The following FBXL17 variants were observed in gnomAD, a reference collection of about 807,000 sequenced individuals.
FBXL17 encodes the protein F-box and leucine rich repeat protein 17.
A neutral mutation model predicts 66.2 loss-of-function variants in FBXL17; 22 were observed. That is an observed-to-expected ratio of 0.33 (90% CI 0.24 to 0.47). The LOEUF (loss-of-function observed/expected upper bound fraction) is 0.47, where lower values mean the gene tolerates loss of function less well. Ranked by LOEUF, FBXL17 falls within the 20% of genes least tolerant of loss-of-function variation. FBXL17 has a pLI of 1.00. For missense variants in FBXL17, 878 were observed against 948.2 expected (o/e 0.93, Z 0.97); for synonymous variants, 474 against 400.5 (o/e 1.18, Z -2.19).
At chr5:107,981,612 G>T (rs1187674746) in intron 7 of FBXL17, among the ~76,000 whole-genome samples, 1 of 152,230 alleles carries the variant, frequency 6.6e-6, no homozygotes, top group African/African-American at 2.4e-5. Flanking sequence ...ACACTTCTCC[G>T]TTCTGCCCAG....
chr5:108,298,313 A>G, intron 4 of FBXL17: 3 of 984,548 alleles, frequency 3.0e-6, no homozygotes, highest in Non-Finnish European at 3.6e-6. Flanking sequence ...ATCTAAATAA[A>G]ACAGAAAGCA....
Position 108,373,409 on chromosome 5 carries a change from A to C in FBXL17, c.994-5456T>G, listed in dbSNP as rs201481112. On this transcript the variant is annotated intron_variant, in intron 1 of 8. Coordinates refer to ENST00000542267, the MANE Select transcript of FBXL17 (RefSeq NM_001163315.3). ...ATATATTAATATATTTAGATATGTTATATTTATTTATATAATGTGAGAATT... is the reference window on the plus strand; with the variant it reads ...ATATATTAATATATTTAGATATGTTCTATTTATTTATATAATGTGAGAATT... 1.5e-4 allele frequency among the ~76,000 whole-genome samples: 22 copies of C among 146,856 alleles called. No homozygotes were observed. The East Asian group carries it at 3.9e-3, about 26-fold the overall frequency.
At chr5:108,151,112 G>A (rs1490148152) in intron 6 of FBXL17, among the ~76,000 whole-genome samples, 1 of 152,078 alleles carries the variant, frequency 6.6e-6, no homozygotes, top group African/African-American at 2.4e-5. Context: ...GAAGTACTCA[G>A]TATAAAGAGT....
chr5:108,190,883 A>G (rs1753445006), intron 5 of FBXL17, among the ~76,000 whole-genome samples: 1 of 152,192 alleles, frequency 6.6e-6, no homozygotes, highest in Admixed American at 6.5e-5. Flanking sequence ...TGTTGGAAAT[A>G]TACTGTTCTG....
intron 5 of FBXL17, among the ~76,000 whole-genome samples, chr5:108,213,527 G>A (rs1047801243): frequency 6.6e-6 from 1 of 152,108 alleles, no homozygotes; most frequent in African/African-American, 2.4e-5. Flanking sequence ...CATGGCTTCC[G>A]CTGGGTAGGG....
intron 7 of FBXL17, among the ~76,000 whole-genome samples, chr5:107,883,050 G>T (rs1229423305): frequency 1.3e-5 from 2 of 152,188 alleles, no homozygotes; most frequent in African/African-American, 4.8e-5. Context: ...AAGTTAGAAT[G>T]AAACTTTTTT....
rs890147533 is a variant in FBXL17 at position 107,861,139 on chromosome 5, G to A, written c.*581C>T. Reference sequence around the variant, plus strand: ...CCACCAGATAGCAAGTTGGCCACCCGAGGATACACGGAGTTAGGCAGTGCC... The same window carrying A: ...CCACCAGATAGCAAGTTGGCCACCCAAGGATACACGGAGTTAGGCAGTGCC... On this transcript the variant is annotated 3_prime_UTR_variant, in exon 9 of 9. Coordinates refer to ENST00000542267, the MANE Select transcript of FBXL17 (RefSeq NM_001163315.3). 20 of 152,214 alleles carry A rather than the reference G, an allele frequency of 1.3e-4. No individual in the cohort carries two copies. The highest frequency in any genetic ancestry group is 4.3e-4 in the African/African-American group (18 of 41,462). 9.4% of individuals were successfully genotyped at this position (152,214 alleles called of 1,614,324 possible).
intron 1 of FBXL17, among the ~76,000 whole-genome samples, chr5:108,371,644 A>C (rs569546208): frequency 6.6e-6 from 1 of 152,342 alleles, no homozygotes; most frequent in Non-Finnish European, 1.5e-5. Flanking sequence ...AGCTAAAGAA[A>C]ACCGTGGACA....
At chr5:108,126,597 C>T (rs1015490393) in intron 6 of FBXL17, among the ~76,000 whole-genome samples, 1 of 149,164 alleles carries the variant, frequency 6.7e-6, no homozygotes, top group Non-Finnish European at 1.5e-5. Flanking sequence ...CTTGGAGCAA[C>T]TCATGCTATA....
chr5:107,948,202 C>T (rs1038921257), intron 7 of FBXL17, among the ~76,000 whole-genome samples: 1 of 152,106 alleles, frequency 6.6e-6, no homozygotes, highest in South Asian at 2.1e-4. Flanking sequence ...AAAGTAGTCT[C>T]TTGTTTTAAC....
At position 108,369,218 on chromosome 5, in the gene FBXL17, G is replaced by A. The variant is rs993681782; in HGVS notation, c.994-1265C>T. ...CTCTACACTCCCTCAGGTGTAAATT[G>A]AGTATTCAGTGAAAGGCTGATAAAA... On this transcript the variant is annotated intron_variant, in intron 1 of 8. Coordinates refer to ENST00000542267, the MANE Select transcript of FBXL17 (RefSeq NM_001163315.3). Among the ~76,000 whole-genome samples, 4 of 152,168 alleles carry A rather than the reference G, an allele frequency of 2.6e-5. No individual in the cohort carries two copies. The East Asian group carries it at 7.7e-4, about 29-fold the overall frequency.
At chr5:108,038,811 G>T (rs895825565) in intron 6 of FBXL17, among the ~76,000 whole-genome samples, 41 of 151,974 alleles carry the variant, frequency 2.7e-4, no homozygotes, top group African/African-American at 9.7e-4. Flanking sequence ...AACTTAAAAG[G>T]TTTCTACACT....
intron 4 of FBXL17, among the ~76,000 whole-genome samples, chr5:108,287,239 C>T (rs975456408): frequency 6.6e-6 from 1 of 151,774 alleles, no homozygotes; most frequent in African/African-American, 2.4e-5. Flanking sequence ...AAGATAAAAG[C>T]AATTGCAACA....
chr5:108,117,327 A>C (rs1750298464), intron 6 of FBXL17, among the ~76,000 whole-genome samples: 2 of 152,210 alleles, frequency 1.3e-5, no homozygotes, highest in Non-Finnish European at 2.9e-5. Flanking sequence ...GAATGCAATT[A>C]ATCAAGTTTG....
At chr5:107,930,678 G>T (rs956440165) in intron 7 of FBXL17, among the ~76,000 whole-genome samples, 1 of 152,316 alleles carries the variant, frequency 6.6e-6, no homozygotes, top group African/African-American at 2.4e-5. Context: ...CAAAAGAAAA[G>T]AAGTGAAATG....
chr5:108,160,990 C>G (rs1752189083), intron 6 of FBXL17, among the ~76,000 whole-genome samples: 1 of 152,108 alleles, frequency 6.6e-6, no homozygotes, highest in Non-Finnish European at 1.5e-5. Flanking sequence ...AGAAGGTCAA[C>G]TAGTTCCCAA....
Position 108,381,290 on chromosome 5 carries a change from A to G in FBXL17, c.402T>C (p.Ala134=). 7.1e-7 allele frequency: 1 copy of G among 1,412,116 alleles called. No individual in the cohort carries two copies. Among genetic ancestry groups the G allele is most frequent in the Non-Finnish European group, 9.2e-7 (1 of 1,087,754 alleles). The allele number at this position is 1,412,116 out of a possible 1,614,324, so 87.5% of individuals were successfully genotyped here. The change falls in exon 1 of 9, where the codon GCT becomes GCC. Residue 134 remains alanine, a synonymous_variant. Transcript: ENST00000542267. ...CTTTGCAGCAGGAGGCGGGCGACGA[A>G]GCCGAGGCGGCAGCGGCGGCGGCGG... is the stretch of plus-strand genomic sequence containing the variant. The part of the protein sequence containing the change: ...AAAAAAAAAS[A]SSPASCCKEL...
At chr5:108,344,416 T>A (rs534166355) in intron 4 of FBXL17, among the ~76,000 whole-genome samples, 16 of 152,310 alleles carry the variant, frequency 1.1e-4, no homozygotes, top group Non-Finnish European at 2.1e-4. Flanking sequence ...CTTTCTGAAA[T>A]CTATTCATAG....
At chr5:108,287,153 T>G (rs905313827) in intron 4 of FBXL17, among the ~76,000 whole-genome samples, 1 of 151,892 alleles carries the variant, frequency 6.6e-6, no homozygotes, top group African/African-American at 2.4e-5. Context: ...ATATAAAACC[T>G]AAAACTATAA....
Sources: gnomAD v4.1 joint callset for allele counts (sites outside exome capture counted in the v4.1 genomes callset) on GRCh38, gnomAD v4.1.1 for gene constraint, MANE v1.5 for transcripts, NCBI Gene and HGNC (gene_info 2026-07-23, HGNC 2026-07-21) for gene names.